Variants in CDK8 observed in about 807,000 individuals in gnomAD.
The protein encoded by CDK8 is cyclin-dependent kinase 8.
CDK8 carries 29 observed loss-of-function variants against 71.5 expected under a neutral mutation model. The ratio of observed to expected loss-of-function variants is 0.41; its 90% CI spans 0.30 to 0.55. The LOEUF is 0.55. Among genes scored for constraint, CDK8 ranks in the 20% least tolerant of loss-of-function variants. CDK8 has a pLI of 0.37. For synonymous variants in CDK8, 161 were observed against 192.1 expected, an observed-to-expected ratio of 0.84 and a Z score of 1.34; for missense variants, 288 against 572.6, an observed-to-expected ratio of 0.50 and a Z score of 5.07.
At chr13:26,283,550 G>A (rs1872860652) in intron 1 of CDK8, among the ~76,000 whole-genome samples, 1 of 152,006 alleles carries the variant, frequency 6.6e-6, no homozygotes, top group South Asian at 2.1e-4. Context: ...AGGGGTTGCA[G>A]TGAGCCAAGA....
chr13:26,326,029 A>G (rs1243713125), intron 1 of CDK8, among the ~76,000 whole-genome samples: 1 of 152,200 alleles, frequency 6.6e-6, no homozygotes, highest in East Asian at 1.9e-4. Flanking sequence ...TTTAACACTG[A>G]CAAATGCTGA....
rs1265869002 is a variant in CDK8 at position 26,367,910 on chromosome 13, A to G, written c.456+14030A>G. Among the ~76,000 whole-genome samples the G allele has an allele frequency of 2.6e-5, 4 of 152,122 alleles. No homozygotes were observed. In the East Asian group the frequency reaches 7.7e-4, roughly 29 times the overall value. The stretch of plus-strand genomic sequence containing the variant: ...CAAAGAAGAGTCAACTGTAGTGCTT[A>G]TTTTCAAGGAGAGGAATCCATGAAA... On this transcript the variant is annotated intron_variant, in intron 4 of 12. Transcript: ENST00000381527.
At chr13:26,258,994 A>G (rs1366421824) in intron 1 of CDK8, among the ~76,000 whole-genome samples, 1 of 152,174 alleles carries the variant, frequency 6.6e-6, no homozygotes, top group South Asian at 2.1e-4. Flanking sequence ...CCCTTGAACC[A>G]TTCAGTTGGT....
At chr13:26,365,276 TCTTA>T (rs1194337466) in intron 4 of CDK8, among the ~76,000 whole-genome samples, 1 of 152,170 alleles carries the variant, frequency 6.6e-6, no homozygotes, top group Non-Finnish European at 1.5e-5. Flanking sequence ...TCTAAAGTAT[TCTTA>T]CTTAAATGAC....
chr13:26,263,281 G>A (rs2137856880), intron 1 of CDK8, among the ~76,000 whole-genome samples: 1 of 150,078 alleles, frequency 6.7e-6, no homozygotes, highest in East Asian at 2.0e-4. Flanking sequence ...GACTACAGGC[G>A]CCCGCCACCA....
intron 12 of CDK8, among the ~76,000 whole-genome samples, chr13:26,402,077 T>G (rs1876288309): frequency 6.6e-6 from 1 of 152,228 alleles, no homozygotes; most frequent in Non-Finnish European, 1.5e-5. Flanking sequence ...TCTGTATCCT[T>G]GAGTAAGTGA....
intron 1 of CDK8, among the ~76,000 whole-genome samples, chr13:26,259,615 T>C (rs1011886251): frequency 3.3e-5 from 5 of 152,192 alleles, no homozygotes; most frequent in Admixed American, 3.3e-4. Flanking sequence ...TGAAGTTACC[T>C]ACCTTAGATA....
intron 4 of CDK8, among the ~76,000 whole-genome samples, chr13:26,375,521 T>C (rs938366549): frequency 1.2e-4 from 19 of 152,350 alleles, no homozygotes; most frequent in Non-Finnish European, 2.4e-4. Context: ...ACATAACAAA[T>C]CTACCTATGC....
At chr13:26,371,406 T>C (rs1485041685) in intron 4 of CDK8, among the ~76,000 whole-genome samples, 1 of 152,104 alleles carries the variant, frequency 6.6e-6, no homozygotes, top group African/African-American at 2.4e-5. Context: ...TATTCCTCAA[T>C]ATTTAGGGGG....
intron 3 of CDK8, among the ~76,000 whole-genome samples, chr13:26,351,422 C>T (rs548040796): frequency 2.0e-5 from 3 of 152,046 alleles, no homozygotes; most frequent in South Asian, 2.1e-4. Context: ...GTTAAATCAG[C>T]GTGGCCAGTA....
At chr13:26,369,781 C>T (rs1341184976) in intron 4 of CDK8, among the ~76,000 whole-genome samples, 3 of 135,736 alleles carry the variant, frequency 2.2e-5, no homozygotes, top group African/African-American at 5.6e-5. Flanking sequence ...TGGTCTCGAT[C>T]TCCTGACCTC....
intron 1 of CDK8, among the ~76,000 whole-genome samples, chr13:26,280,306 T>A (rs571321289): frequency 6.6e-6 from 1 of 152,366 alleles, no homozygotes; most frequent in South Asian, 2.1e-4. Context: ...CTTGTGTGAC[T>A]TTATAACCTT....
chr13:26,352,821 T>C (rs1873738263), intron 3 of CDK8, among the ~76,000 whole-genome samples: 1 of 152,222 alleles, frequency 6.6e-6, no homozygotes, highest in African/African-American at 2.4e-5. Context: ...TGTCATATTC[T>C]GTATATCATA....
At position 26,254,524 on chromosome 13, in the gene CDK8, C is replaced by G. The variant is rs1182860211; in HGVS notation, c.-118C>G. 1.3e-6 allele frequency: 1 copy of G among 788,696 alleles called. No individual in the cohort carries two copies. The highest frequency in any genetic ancestry group is 2.0e-6 in the Non-Finnish European group (1 of 510,768). 48.9% of individuals were successfully genotyped at this position (788,696 alleles called of 1,614,324 possible). On this transcript the variant is annotated 5_prime_UTR_variant, in exon 1 of 13. Coordinates refer to ENST00000381527, the MANE Select transcript of CDK8 (RefSeq NM_001260.3). This position sits in a 1 kb window ranked among gnomAD's most constrained non-coding sequence, Gnocchi z 6.7. ...TGCCGCATCAGTCGGGCTGGTGCTG[C>G]GGCCGGCGGGCGTAGAGCGGGCGGG...
At chr13:26,390,619 A>C (rs963186610) in intron 6 of CDK8, among the ~76,000 whole-genome samples, 17 of 152,324 alleles carry the variant, frequency 1.1e-4, no homozygotes, top group Non-Finnish European at 2.1e-4. Context: ...GTCTTACTGA[A>C]GTATGGACTT....
intron 1 of CDK8, among the ~76,000 whole-genome samples, chr13:26,297,980 T>C (rs1873639170): frequency 6.6e-6 from 1 of 152,112 alleles, no homozygotes; most frequent in Admixed American, 6.5e-5. Flanking sequence ...CTGGAGTCTC[T>C]TTTATAGGGG....
chr13:26,288,546 A>T (rs1043284881), intron 1 of CDK8, among the ~76,000 whole-genome samples: 82 of 144,938 alleles, frequency 5.7e-4, no homozygotes, highest in African/African-American at 1.7e-3. Context: ...TTTATTTCTT[A>T]TTTTTTTTTT....
In CDK8 at chr13:26,288,002, G is replaced by A. The variant is rs368659769; in HGVS notation, c.128+33233G>A. Among the ~76,000 whole-genome samples the A allele has an allele frequency of 2.8e-3, 422 of 152,066 alleles. 5 individuals are homozygous for A. Among genetic ancestry groups the A allele is most frequent in the South Asian group, 0.024 (117 of 4,814 alleles). ...TTTTTAGATGGAGTCTCACTCTATC[G>A]CCCAGGCTGGAGTGCAGGGGTGTGA... On this transcript the variant is annotated intron_variant, in intron 1 of 12. Transcript: ENST00000381527.
chr13:26,294,237 T>C (rs1873438194), intron 1 of CDK8, among the ~76,000 whole-genome samples: 1 of 152,024 alleles, frequency 6.6e-6, no homozygotes, highest in African/African-American at 2.4e-5. Context: ...GCTCAAGCAG[T>C]CTCCCGCCTC....
Sources: gnomAD v4.1 joint callset for allele counts (sites outside exome capture counted in the v4.1 genomes callset) on GRCh38, gnomAD v4.1.1 for gene constraint, Gnocchi (gnomAD v3.1) non-coding constraint, MANE v1.5 for transcripts, NCBI Gene and HGNC (gene_info 2026-07-23, HGNC 2026-07-21) for gene names.